The following GRIK2 variants were observed in gnomAD, a reference collection of about 807,000 sequenced individuals.
The protein encoded by GRIK2 is glutamate ionotropic receptor kainate type subunit 2.
In GRIK2, 32 loss-of-function variants were observed where a neutral mutation model predicts 100.3. That is an observed-to-expected ratio of 0.32 (90% CI 0.24 to 0.43). The LOEUF (loss-of-function observed/expected upper bound fraction) is 0.43, where lower values mean the gene tolerates loss of function less well. Ranked by LOEUF, GRIK2 falls within the 20% of genes least tolerant of loss-of-function variation. GRIK2 has a pLI of 1.00. For synonymous variants in GRIK2, 417 were observed against 389.4 expected, an observed-to-expected ratio of 1.07 and a Z score of -0.83; for missense variants, 843 against 1,114.9, an observed-to-expected ratio of 0.76 and a Z score of 3.47.
At chr6:101,798,328 A>G (rs982577861) in intron 7 of GRIK2, among the ~76,000 whole-genome samples, 10 of 152,072 alleles carry the variant, frequency 6.6e-5, no homozygotes, top group African/African-American at 2.4e-4. Context: ...AGAGACAAAT[A>G]TCAGTCAAAT....
intron 2 of GRIK2, among the ~76,000 whole-genome samples, chr6:101,599,547 G>T (rs1427970002): frequency 6.6e-6 from 1 of 151,518 alleles, no homozygotes; most frequent in Admixed American, 6.6e-5. Context: ...ATGTATACAC[G>T]TTCCCCTTTC....
intron 14 of GRIK2, 97 bp from the exon 15 acceptor site, chr6:102,035,244 G>A (rs1770207903): frequency 3.9e-6 from 2 of 510,538 alleles, no homozygotes; most frequent in Non-Finnish European, 3.6e-6. Flanking sequence ...GATGGTACAA[G>A]TAAAGTAAAT....
chr6:101,867,116 T>C (rs1562450253), intron 11 of GRIK2, among the ~76,000 whole-genome samples: 1 of 151,974 alleles, frequency 6.6e-6, no homozygotes, highest in Non-Finnish European at 1.5e-5. Flanking sequence ...CCACTTGTGG[T>C]TTGTTTATTA....
chr6:101,824,551 ATAAT>A (rs1178864192), intron 10 of GRIK2, among the ~76,000 whole-genome samples: 1 of 152,144 alleles, frequency 6.6e-6, no homozygotes, highest in Non-Finnish European at 1.5e-5. Flanking sequence ...TGCCTGTATA[ATAAT>A]TAATTTTTGT....
chr6:101,872,008 C>A (rs1305970374), intron 11 of GRIK2, among the ~76,000 whole-genome samples: 1 of 151,830 alleles, frequency 6.6e-6, no homozygotes, highest in Non-Finnish European at 1.5e-5. Flanking sequence ...ATAAGTGTTC[C>A]TTTTTCTTCA....
At chr6:101,727,246 C>T (rs767345334) in intron 7 of GRIK2, among the ~76,000 whole-genome samples, 15 of 151,926 alleles carry the variant, frequency 9.9e-5, no homozygotes, top group Non-Finnish European at 1.8e-4. Context: ...GATTTATGTG[C>T]TCCTTATGTT....
intron 14 of GRIK2, among the ~76,000 whole-genome samples, chr6:101,980,113 A>G (rs1421914681): frequency 6.6e-6 from 1 of 151,950 alleles, no homozygotes; most frequent in African/African-American, 2.4e-5. Context: ...AAGGAAATGA[A>G]TGGATAAGGA....
At chr6:101,897,117 G>C (rs1787520674) in intron 12 of GRIK2, among the ~76,000 whole-genome samples, 1 of 151,466 alleles carries the variant, frequency 6.6e-6, no homozygotes, top group Non-Finnish European at 1.5e-5. Context: ...GAGTGTAGTG[G>C]GTTCTTTGGC....
At chr6:101,978,071 G>GT (rs905118802) in intron 14 of GRIK2, among the ~76,000 whole-genome samples, 2 of 151,840 alleles carry the variant, frequency 1.3e-5, no homozygotes, top group African/African-American at 4.8e-5. Context: ...CTGATAGGAG[G>GT]TTTTTTTCTG....
chr6:101,553,890 C>G (rs1279733545), intron 2 of GRIK2, among the ~76,000 whole-genome samples: 1 of 152,180 alleles, frequency 6.6e-6, no homozygotes, highest in African/African-American at 2.4e-5. Context: ...AATCACAGTA[C>G]TCACTTTGTA....
chr6:101,986,065 G>T (rs551693488), intron 14 of GRIK2, among the ~76,000 whole-genome samples: 1 of 151,792 alleles, frequency 6.6e-6, no homozygotes, highest in Admixed American at 6.6e-5. Flanking sequence ...ATAAATTTAT[G>T]CACTTTTATC....
At chr6:101,667,006 G>A (rs1324952936) in intron 4 of GRIK2, among the ~76,000 whole-genome samples, 1 of 152,168 alleles carries the variant, frequency 6.6e-6, no homozygotes, top group Non-Finnish European at 1.5e-5. Flanking sequence ...TTATAAGGGA[G>A]AAAACTAAAG....
At chr6:101,971,500 G>T (rs1385290803) in intron 14 of GRIK2, among the ~76,000 whole-genome samples, 1 of 151,880 alleles carries the variant, frequency 6.6e-6, no homozygotes, top group Non-Finnish European at 1.5e-5. Context: ...GCATGTCAAG[G>T]TTATTTTCTA....
intron 11 of GRIK2, among the ~76,000 whole-genome samples, chr6:101,881,068 C>T (rs1786208184): frequency 6.6e-6 from 1 of 151,712 alleles, no homozygotes; most frequent in African/African-American, 2.4e-5. Flanking sequence ...CCAAATAAAA[C>T]TTTTTATATA....
intron 15 of GRIK2, among the ~76,000 whole-genome samples, chr6:102,039,269 A>C (rs982726610): frequency 6.6e-6 from 1 of 151,514 alleles, no homozygotes; most frequent in Non-Finnish European, 1.5e-5. Context: ...AATGATGTGA[A>C]AGTAAATGCT....
At chr6:101,596,152 C>T (rs1275765103) in intron 2 of GRIK2, among the ~76,000 whole-genome samples, 1 of 150,700 alleles carries the variant, frequency 6.6e-6, no homozygotes, top group African/African-American at 2.4e-5. Flanking sequence ...TATCATGCCA[C>T]CAAGACATTA....
chr6:101,882,028 G>A (rs1786284390), intron 11 of GRIK2, among the ~76,000 whole-genome samples: 2 of 152,008 alleles, frequency 1.3e-5, no homozygotes, highest in South Asian at 4.2e-4. Context: ...CTCACATGGT[G>A]GCAGACAAGA....
intron 14 of GRIK2, among the ~76,000 whole-genome samples, chr6:101,929,250 G>A (rs145589582): frequency 3.9e-5 from 6 of 152,210 alleles, no homozygotes; most frequent in South Asian, 2.1e-4. Flanking sequence ...CCTTGCCCTC[G>A]TCTATTTTTT....
chr6:101,532,945 A>G (rs1775515628), intron 2 of GRIK2, among the ~76,000 whole-genome samples: 1 of 151,834 alleles, frequency 6.6e-6, no homozygotes, highest in South Asian at 2.1e-4. Flanking sequence ...CATAGAGGAA[A>G]GGGATATGAG....
Sources: gnomAD v4.1 joint callset for allele counts (sites outside exome capture counted in the v4.1 genomes callset) on GRCh38, gnomAD v4.1.1 for gene constraint, MANE v1.5 for transcripts, NCBI Gene and HGNC (gene_info 2026-07-23, HGNC 2026-07-21) for gene names.